Variants in ARHGEF38 observed in about 807,000 individuals in gnomAD.
ARHGEF38 encodes the protein Rho guanine nucleotide exchange factor (GEF) 38.
ARHGEF38 carries 79 observed loss-of-function variants against 79.9 expected under a neutral mutation model. That is an observed-to-expected ratio of 0.99 (90% CI 0.82 to 1.19). The LOEUF is 1.19. Among genes scored for constraint, ARHGEF38 ranks in the 50% most tolerant of loss-of-function variants. The pLI, the probability that ARHGEF38 is intolerant of heterozygous loss-of-function variation, is 0.00. For missense variants in ARHGEF38, 962 were observed against 907.2 expected (o/e 1.06, Z -0.78); for synonymous variants, 366 against 328.3 (o/e 1.11, Z -1.24).
chr4:105,666,896 T>A (rs980544591), intron 11 of ARHGEF38, among the ~76,000 whole-genome samples: 1 of 152,320 alleles, frequency 6.6e-6, no homozygotes, highest in South Asian at 2.1e-4. Flanking sequence ...CTTATTCTTG[T>A]TTTTTCTTCT....
At chr4:105,666,885 T>G (rs967893367) in intron 11 of ARHGEF38, among the ~76,000 whole-genome samples, 2 of 152,192 alleles carry the variant, frequency 1.3e-5, no homozygotes, top group Non-Finnish European at 2.9e-5. Flanking sequence ...ACCTCTGCCT[T>G]CTTATTCTTG....
chr4:105,615,773 CAT>C (rs1272179845), intron 3 of ARHGEF38, among the ~76,000 whole-genome samples: 1 of 152,204 alleles, frequency 6.6e-6, no homozygotes, highest in African/African-American at 2.4e-5. Flanking sequence ...AACTCTGAAA[CAT>C]AGTCCATCTC....
In ARHGEF38 at chr4:105,616,643, A is replaced by T. The variant is rs79831441; in HGVS notation, c.508+3136A>T. Among the ~76,000 whole-genome samples, 1,028 of 152,216 alleles carry T rather than the reference A, an allele frequency of 6.8e-3. 9 individuals are homozygous for T. Among genetic ancestry groups the T allele is most frequent in the African/African-American group, 0.024 (982 of 41,542 alleles). On this transcript the variant is annotated intron_variant, in intron 3 of 13. Coordinates refer to ENST00000420470, the MANE Select transcript of ARHGEF38 (RefSeq NM_001242729.2). ...ATGAGACTTGGCAGGGGGGACACAG[A>T]GCCAAACCATATCAATGTTTTAGAA...
At chr4:105,629,741 A>G (rs949524882) in intron 3 of ARHGEF38, among the ~76,000 whole-genome samples, 1 of 152,032 alleles carries the variant, frequency 6.6e-6, no homozygotes, top group African/African-American at 2.4e-5. Context: ...CCAATATCTA[A>G]TTTAGTCACC....
intron 10 of ARHGEF38, among the ~76,000 whole-genome samples, chr4:105,664,941 A>C (rs185162557): frequency 1.3e-3 from 199 of 152,236 alleles, no homozygotes; most frequent in Non-Finnish European, 2.4e-3. Flanking sequence ...GTGCTCCTTA[A>C]TGATGGATTG....
At chr4:105,638,652 C>A (rs1729496172) in intron 5 of ARHGEF38, among the ~76,000 whole-genome samples, 1 of 152,124 alleles carries the variant, frequency 6.6e-6, no homozygotes. Context: ...GAGTCCCTCA[C>A]TTCACCATAC....
chr4:105,555,523 G>A (rs937809811), intron 1 of ARHGEF38, among the ~76,000 whole-genome samples: 5 of 152,170 alleles, frequency 3.3e-5, no homozygotes, highest in Non-Finnish European at 5.9e-5. Context: ...TTCAAATGCC[G>A]AGAGATTTTC....
chr4:105,555,170 A>T (rs1043564544), intron 1 of ARHGEF38, among the ~76,000 whole-genome samples: 46 of 152,158 alleles, frequency 3.0e-4, no homozygotes, highest in African/African-American at 1.1e-3. Flanking sequence ...GCTCTGTTGG[A>T]TTCTTTGAAG....
At chr4:105,597,596 C>A (rs1009926012) in intron 2 of ARHGEF38, among the ~76,000 whole-genome samples, 2 of 152,228 alleles carry the variant, frequency 1.3e-5, no homozygotes, top group African/African-American at 4.8e-5. Context: ...TGGCTACTCT[C>A]TAAAACTCTG....
chr4:105,659,022 C>G (rs367864651), intron 9 of ARHGEF38, 32 bp from the exon 10 acceptor site: 3 of 1,505,880 alleles, frequency 2.0e-6, no homozygotes, highest in East Asian at 2.5e-5. Flanking sequence ...CTGATCCTCT[C>G]TCTGAAATGG....
intron 13 of ARHGEF38, among the ~76,000 whole-genome samples, chr4:105,673,468 G>A (rs11930965): frequency 0.14 from 20,906 of 151,974 alleles, 2,283 homozygotes; most frequent in African/African-American, 0.3. Flanking sequence ...CCAATCCCAC[G>A]TTCATAGTCT....
intron 1 of ARHGEF38, among the ~76,000 whole-genome samples, chr4:105,555,674 T>G (rs1296021524): frequency 6.6e-6 from 1 of 152,168 alleles, no homozygotes; most frequent in African/African-American, 2.4e-5. Context: ...CAACACCACA[T>G]TCCTCAAATT....
intron 1 of ARHGEF38, among the ~76,000 whole-genome samples, chr4:105,588,874 T>C (rs1020964622): frequency 6.6e-6 from 1 of 152,250 alleles, no homozygotes; most frequent in Non-Finnish European, 1.5e-5. Flanking sequence ...ATTAAAGGCA[T>C]TTCATTTACT....
In ARHGEF38 at chr4:105,659,171, C is replaced by A. The variant is rs1225777453; in HGVS notation, c.1351C>A (p.Leu451Met). 6.5e-7 allele frequency: 1 copy of A among 1,536,180 alleles called. No individual in the cohort carries two copies. The highest frequency in any genetic ancestry group is 2.0e-5 in the Admixed American group (1 of 50,996). ...YDKLLDCNSY[L>M]QRSTGEESDL... is the part of the protein sequence containing the mutation. ...CAAACTGCTGGATTGCAACAGCTACCTGCAGCGATCAACGGGAGAGGAGTC... is the reference window on the plus strand; with the variant it reads ...CAAACTGCTGGATTGCAACAGCTACATGCAGCGATCAACGGGAGAGGAGTC... The change falls in exon 10 of 14, where the codon CTG becomes ATG. Residue 451 changes from leucine to methionine, a missense_variant. Physicochemically the swap from Leu to Met is conservative, Grantham distance 15. Coordinates refer to ENST00000420470, the MANE Select transcript of ARHGEF38 (RefSeq NM_001242729.2).
chr4:105,663,187 A>G (rs1436440733), intron 10 of ARHGEF38, among the ~76,000 whole-genome samples: 1 of 152,168 alleles, frequency 6.6e-6, no homozygotes, highest in Non-Finnish European at 1.5e-5. Flanking sequence ...ATTAGAGAAC[A>G]CTAGAGTACC....
At chr4:105,588,877 C>A (rs1727179930) in intron 1 of ARHGEF38, among the ~76,000 whole-genome samples, 1 of 152,112 alleles carries the variant, frequency 6.6e-6, no homozygotes, top group African/African-American at 2.4e-5. Context: ...AAAGGCATTT[C>A]ATTTACTAAT....
At chr4:105,681,180 T>C (rs1480347547), downstream of ARHGEF38, among the ~76,000 whole-genome samples, 1 of 152,026 alleles carries the variant, frequency 6.6e-6, no homozygotes, top group African/African-American at 2.4e-5. Context: ...TTACTGCCTA[T>C]TGAGATCATA....
At chr4:105,630,044 T>G (rs1729116381) in intron 3 of ARHGEF38, among the ~76,000 whole-genome samples, 1 of 152,186 alleles carries the variant, frequency 6.6e-6, no homozygotes, top group Admixed American at 6.5e-5. Context: ...TAACAAAAAA[T>G]TGCTTCATTT....
chr4:105,665,452 G>A (rs747196809), intron 10 of ARHGEF38, among the ~76,000 whole-genome samples: 1 of 151,878 alleles, frequency 6.6e-6, no homozygotes, highest in Non-Finnish European at 1.5e-5. Flanking sequence ...AGCCAAAATC[G>A]TGCCTCTGCA....
Sources: gnomAD v4.1 joint callset for allele counts (sites outside exome capture counted in the v4.1 genomes callset) on GRCh38, gnomAD v4.1.1 for gene constraint, MANE v1.5 for transcripts, NCBI Gene and HGNC (gene_info 2026-07-23, HGNC 2026-07-21) for gene names.